HACL1: variants seen among roughly 807,000 people sequenced by gnomAD.
HACL1 encodes 1600020H07Rik.
In HACL1, 64 loss-of-function variants were observed where a neutral mutation model predicts 74.2. That is an observed-to-expected ratio of 0.86 (90% CI 0.70 to 1.06). The LOEUF (loss-of-function observed/expected upper bound fraction) is 1.06. HACL1 is among the 50% of genes least tolerant of loss of function. The probability of loss-of-function intolerance (pLI) is 0.00; values close to 1 mark genes in which losing one functional copy is unlikely to be tolerated. For missense variants in HACL1, 728 were observed against 719.7 expected (o/e 1.01, Z -0.13); for synonymous variants, 230 against 238.8 (o/e 0.96, Z 0.34).
At chr3:15,565,574 T>G (rs9827194) in intron 14 of HACL1, among the ~76,000 whole-genome samples, 4,213 of 152,326 alleles carry the variant, frequency 0.028, 204 homozygotes, top group African/African-American at 0.094. Context: ...GAAAAGAATG[T>G]AGGTTTTATT....
In HACL1 at chr3:15,577,429, G is replaced by A. The variant is rs527787301; in HGVS notation, c.804-2347C>T. On this transcript the variant is annotated intron_variant, in intron 9 of 16. Coordinates refer to ENST00000321169, the MANE Select transcript of HACL1 (RefSeq NM_012260.4). Reference sequence around the variant, plus strand: ...ACTACAGAAAGGGAAGCAAGAAATGGCATCAAAAAAGATATTTAGGGGACT... The same window carrying A: ...ACTACAGAAAGGGAAGCAAGAAATGACATCAAAAAAGATATTTAGGGGACT... Among the ~76,000 whole-genome samples the A allele has an allele frequency of 1.3e-4, 19 of 151,514 alleles. No homozygotes were observed. In the South Asian group the frequency reaches 4.0e-3, roughly 32 times the overall value.
chr3:15,572,933 C>T (rs2063561276), intron 11 of HACL1, among the ~76,000 whole-genome samples: 1 of 152,160 alleles, frequency 6.6e-6, no homozygotes, highest in South Asian at 2.1e-4. Context: ...GTTACATTTT[C>T]AATCATCTTC....
Position 15,582,895 on chromosome 3 carries a change from G to C in HACL1, c.649C>G (p.Leu217Val). The change falls in exon 8 of 17, where the codon CTT becomes GTT. Residue 217 changes from leucine to valine, a missense_variant. Physicochemically the swap from Leu to Val is conservative, Grantham distance 32. Coordinates refer to ENST00000321169, the MANE Select transcript of HACL1 (RefSeq NM_012260.4). ...ATGCTACCTTTCCCGATGATAAGAAGGGGTTGTTTGGCATTCCTAATAACA... is the reference window on the plus strand; with the variant it reads ...ATGCTACCTTTCCCGATGATAAGAACGGGTTGTTTGGCATTCCTAATAACA... ...ASVIRNAKQP[L>V]LIIGKGAAYA... 2 of 1,587,984 alleles carry C rather than the reference G, an allele frequency of 1.3e-6. No individual in the cohort carries two copies. The highest frequency in any genetic ancestry group is 1.7e-6 in the Non-Finnish European group (2 of 1,156,662).
chr3:15,588,420 C>G (rs907318638), intron 5 of HACL1, among the ~76,000 whole-genome samples: 1 of 151,992 alleles, frequency 6.6e-6, no homozygotes, highest in Non-Finnish European at 1.5e-5. Context: ...TGGCAAAACA[C>G]TGTCTCTGCA....
chr3:15,565,577 G>T (rs1353980371), intron 14 of HACL1, among the ~76,000 whole-genome samples: 1 of 152,164 alleles, frequency 6.6e-6, no homozygotes, highest in Non-Finnish European at 1.5e-5. Context: ...AAGAATGTAG[G>T]TTTTATTTTC....
chr3:15,565,060 G>A (rs566095673), intron 14 of HACL1, among the ~76,000 whole-genome samples: 43 of 152,096 alleles, frequency 2.8e-4, no homozygotes, highest in Non-Finnish European at 5.6e-4. Context: ...AGCTACTCGG[G>A]AGGCTGAGGC....
At chr3:15,591,078 CA>C (rs1559559809) in intron 4 of HACL1, among the ~76,000 whole-genome samples, 1 of 151,924 alleles carries the variant, frequency 6.6e-6, no homozygotes, top group South Asian at 2.1e-4. Flanking sequence ...GACTCCGTCT[CA>C]AAAAAAGAAA....
At chr3:15,584,635 C>T (rs879703919) in intron 7 of HACL1, among the ~76,000 whole-genome samples, 3 of 152,010 alleles carry the variant, frequency 2.0e-5, no homozygotes, top group Admixed American at 2.0e-4. Flanking sequence ...TACAGTAAGA[C>T]CCACTGACTC....
chr3:15,574,076 A>G (rs1168073374), intron 10 of HACL1, among the ~76,000 whole-genome samples: 1 of 152,224 alleles, frequency 6.6e-6, no homozygotes, highest in African/African-American at 2.4e-5. Context: ...CTCATCAAAC[A>G]TCAAGCAACC....
chr3:15,591,491 G>GTT, intron 4 of HACL1, 109 bp downstream of exon 4: 1 of 575,238 alleles, frequency 1.7e-6, no homozygotes, highest in Non-Finnish European at 3.0e-6. Flanking sequence ...GAATTGAAGG[G>GTT]GTTTTTTTTT....
intron 3 of HACL1, among the ~76,000 whole-genome samples, chr3:15,592,040 TAC>T (rs1333415556): frequency 1.5e-4 from 20 of 136,844 alleles, no homozygotes; most frequent in East Asian, 4.4e-4. Flanking sequence ...TACGTATATA[TAC>T]ACACACTATA....
At chr3:15,583,820 G>C (rs1268873996) in intron 7 of HACL1, among the ~76,000 whole-genome samples, 3 of 151,848 alleles carry the variant, frequency 2.0e-5, no homozygotes, top group Non-Finnish European at 4.4e-5. Flanking sequence ...ACCAAGCCTG[G>C]CTAATTTTTG....
chr3:15,570,141 C>T (rs2063501535), intron 12 of HACL1, among the ~76,000 whole-genome samples: 2 of 152,076 alleles, frequency 1.3e-5, no homozygotes, highest in African/African-American at 4.8e-5. Context: ...TCAAGACCAT[C>T]CTGGCCAACA....
chr3:15,566,279 C>G lies in HACL1; in HGVS notation c.1409+1565G>C, dbSNP rs116540690. On this transcript the variant is annotated intron_variant, in intron 14 of 16. Coordinates refer to ENST00000321169, the MANE Select transcript of HACL1 (RefSeq NM_012260.4). Reference sequence around the variant, plus strand: ...ACCCCCATCCTTCTATAGTGAGGATCTACAATTCATGAGTTTCTCCATGAA... The same window carrying G: ...ACCCCCATCCTTCTATAGTGAGGATGTACAATTCATGAGTTTCTCCATGAA... Among the ~76,000 whole-genome samples, 867 of 152,306 alleles carry G rather than the reference C, an allele frequency of 5.7e-3. 6 individuals are homozygous for G. The highest frequency in any genetic ancestry group is 0.019 in the African/African-American group (798 of 41,558).
At chr3:15,578,481 C>T (rs2063664401) in intron 9 of HACL1, among the ~76,000 whole-genome samples, 1 of 152,180 alleles carries the variant, frequency 6.6e-6, no homozygotes. Flanking sequence ...TATTTCTCCC[C>T]CGTGTTTTGT....
At chr3:15,600,769 T>G (rs1004523413) in intron 2 of HACL1, 2 of 361,248 alleles carry the variant, frequency 5.5e-6, no homozygotes, top group African/African-American at 2.0e-5. Context: ...AATAGGGAAG[T>G]CAGACTTTAC....
Position 15,579,949 on chromosome 3 carries a change from G to A in HACL1, c.764C>T (p.Pro255Leu), listed in dbSNP as rs776765919. 5.0e-6 allele frequency: 8 copies of A among 1,610,948 alleles called. No homozygotes were observed. Among genetic ancestry groups the A allele is most frequent in the Non-Finnish European group, 6.8e-6 (8 of 1,177,408 alleles). The stretch of plus-strand genomic sequence containing the variant: ...ACCTACACAGTATGGATGGTTGTCA[G>A]GGACAACACCCTTCCCCATAGGGGT... ...LPTPMGKGVV[P>L]DNHPYCVGAA... The change falls in exon 9 of 17, where the codon CCT becomes CTT. Residue 255 changes from proline (P) to leucine (L), a missense_variant. Coordinates refer to ENST00000321169, the MANE Select transcript of HACL1 (RefSeq NM_012260.4).
At chr3:15,561,036 TCCCA>T in intron 16 of HACL1, 139 bp from the exon 17 acceptor site, 1 of 686,426 alleles carries the variant, frequency 1.5e-6, no homozygotes, top group Non-Finnish European at 2.5e-6. Flanking sequence ...CTGGTGCTTT[TCCCA>T]AAAAGGACCT....
At position 15,592,627 on chromosome 3, in the gene HACL1, T is replaced by C. The variant is rs200541030; in HGVS notation, c.228-947A>G. Among the ~76,000 whole-genome samples, 22 of 47,810 alleles carry C rather than the reference T, an allele frequency of 4.6e-4. No homozygotes were observed. In the East Asian group the frequency reaches 0.012, roughly 26 times the overall value. 31.4% of individuals were successfully genotyped at this position (47,810 alleles called of 152,430 possible). On this transcript the variant is annotated intron_variant, in intron 3 of 16. Transcript: ENST00000321169. ...GCACATGTGTGCGTGTATACACATG[T>C]ACGCACATGTGTGCGTGTATACACA...
Sources: gnomAD v4.1 joint callset for allele counts (sites outside exome capture counted in the v4.1 genomes callset) on GRCh38, gnomAD v4.1.1 for gene constraint, MANE v1.5 for transcripts, NCBI Gene and HGNC (gene_info 2026-07-23, HGNC 2026-07-21) for gene names.